The following GRAMD4 variants were observed in gnomAD, a reference collection of about 807,000 sequenced individuals.
The protein encoded by GRAMD4 is GRAM domain-containing protein 4.
Under a neutral mutation model 83.9 loss-of-function variants are expected in GRAMD4, and 25 were observed. The observed-to-expected ratio is 0.30, with a 90% CI of 0.22 to 0.42. The LOEUF (loss-of-function observed/expected upper bound fraction) is 0.42, where lower values mean the gene tolerates loss of function less well. GRAMD4 is among the 10% of genes least tolerant of loss of function. The probability of loss-of-function intolerance (pLI) is 1.00; values close to 1 mark genes in which losing one functional copy is unlikely to be tolerated. For synonymous variants in GRAMD4, 336 were observed against 320.9 expected, an observed-to-expected ratio of 1.05 and a Z score of -0.50; for missense variants, 593 against 788.7, an observed-to-expected ratio of 0.75 and a Z score of 2.97.
chr22:46,610,281 C>A (rs1374832033), intron 1 of GRAMD4, among the ~76,000 whole-genome samples: 3 of 152,222 alleles, frequency 2.0e-5, no homozygotes, highest in African/African-American at 7.2e-5. Flanking sequence ...CTGCCCTGTC[C>A]CTGGCGTGGG....
intron 1 of GRAMD4, among the ~76,000 whole-genome samples, chr22:46,587,133 G>A (rs1569245667): frequency 6.6e-6 from 1 of 152,196 alleles, no homozygotes; most frequent in Non-Finnish European, 1.5e-5. Context: ...ATTATCCCCT[G>A]CCCTGGGGGA....
At chr22:46,639,085 G>A (rs888097517) in intron 3 of GRAMD4, among the ~76,000 whole-genome samples, 2 of 152,232 alleles carry the variant, frequency 1.3e-5, no homozygotes, top group Non-Finnish European at 2.9e-5. Flanking sequence ...GACTGTGTGT[G>A]TGCTTAGATG....
chr22:46,595,022 C>T (rs188331581), intron 1 of GRAMD4, among the ~76,000 whole-genome samples: 23 of 152,264 alleles, frequency 1.5e-4, no homozygotes, highest in African/African-American at 3.9e-4. Context: ...AGGTACCTGT[C>T]GTTCCCGCCT....
At chr22:46,615,516 CAGGTTCCCCTGTGTGTGT>C (rs2081470413), upstream of GRAMD4, among the ~76,000 whole-genome samples, 7 of 86,278 alleles carry the variant, frequency 8.1e-5, no homozygotes, top group Middle Eastern at 0.014. Context: ...CCTGTGTGTG[CAGGTTCCCCTGTGTGTGT>C]AGGTTCCCCT....
At chr22:46,626,688 G>C (rs2081665792) in intron 1 of GRAMD4, 63 bp from the exon 2 acceptor site, 1 of 1,058,016 alleles carries the variant, frequency 9.5e-7, no homozygotes, top group African/African-American at 1.6e-5. Context: ...CCCTGTGTGT[G>C]GGAGCTGGCT....
At position 46,622,370 on chromosome 22, in the gene GRAMD4, C is replaced by T. The variant is rs75933786; in HGVS notation, c.-50+1805C>T. Among the ~76,000 whole-genome samples, 2,871 of 152,274 alleles carry T rather than the reference C, an allele frequency of 0.019. 82 individuals are homozygous for T. The highest frequency in any genetic ancestry group is 0.065 in the African/African-American group (2,690 of 41,548). ...TCCCCTCCGCTTCCCTCTCAGCTGC[C>T]GCAACCAGGAGGACTCGCCGGGTTT... On this transcript the variant is annotated intron_variant, in intron 1 of 18. Transcript: ENST00000406902. This position sits in a 1 kb window ranked among gnomAD's most constrained non-coding sequence, Gnocchi z 4.0.
chr22:46,652,204 GTC>G (rs2082176766), intron 3 of GRAMD4, among the ~76,000 whole-genome samples: 1 of 152,178 alleles, frequency 6.6e-6, no homozygotes, highest in African/African-American at 2.4e-5. Context: ...GGGGCGCACA[GTC>G]ACCACAAAGG....
At chr22:46,600,708 T>G (rs2081304466) in intron 1 of GRAMD4, among the ~76,000 whole-genome samples, 1 of 152,204 alleles carries the variant, frequency 6.6e-6, no homozygotes, top group Admixed American at 6.5e-5. Context: ...CTGGCGAGTC[T>G]TTGTGCATGT....
At chr22:46,609,112 A>C (rs796902008) in intron 1 of GRAMD4, among the ~76,000 whole-genome samples, 5 of 151,226 alleles carry the variant, frequency 3.3e-5, no homozygotes, top group African/African-American at 7.3e-5. Context: ...CTAAAAAAAA[A>C]AACAACAACA....
intron 1 of GRAMD4, among the ~76,000 whole-genome samples, chr22:46,592,576 C>G (rs770040816): frequency 1.3e-5 from 2 of 152,198 alleles, no homozygotes; most frequent in Non-Finnish European, 2.9e-5. Context: ...CAGTTACTTT[C>G]CTGAATGTTT....
chr22:46,576,155 C>G (rs1386497873), upstream of GRAMD4: 1 of 138,194 alleles, frequency 7.2e-6, no homozygotes, highest in Non-Finnish European at 1.5e-5. Flanking sequence ...GGGACCCAGT[C>G]TGGGGAGGGG....
In GRAMD4 at chr22:46,677,295, T is replaced by A. The variant is rs1013458840; in HGVS notation, c.*44T>A. 2 of 1,562,226 alleles carry A rather than the reference T, an allele frequency of 1.3e-6. No individual in the cohort carries two copies. The highest frequency in any genetic ancestry group is 8.6e-7 in the Non-Finnish European group (1 of 1,163,020). ...GTTGCTGGAATTTTCTTTTTCTTTT[T>A]CTTTTTCTTTTTTTTTTTTTACGAT... On this transcript the variant is annotated 3_prime_UTR_variant, in exon 19 of 19. Coordinates refer to ENST00000406902, the MANE Select transcript of GRAMD4 (RefSeq NM_015124.5).
At chr22:46,635,071 A>T (rs974522837) in intron 2 of GRAMD4, among the ~76,000 whole-genome samples, 7 of 118,250 alleles carry the variant, frequency 5.9e-5, no homozygotes, top group African/African-American at 1.4e-4. Context: ...ACCCCTGGCC[A>T]CTCCTGTCTT....
At chr22:46,629,497 G>GC (rs957951223) in intron 2 of GRAMD4, among the ~76,000 whole-genome samples, 3 of 152,088 alleles carry the variant, frequency 2.0e-5, no homozygotes, top group African/African-American at 7.2e-5. Flanking sequence ...GGCTCACGAG[G>GC]CCCCCGGGGT....
At chr22:46,582,920 C>G (rs2081112192) in intron 1 of GRAMD4, among the ~76,000 whole-genome samples, 1 of 152,172 alleles carries the variant, frequency 6.6e-6, no homozygotes, top group Non-Finnish European at 1.5e-5. Context: ...TGGTGACCAC[C>G]TTTCTCTCTC....
intron 1 of GRAMD4, among the ~76,000 whole-genome samples, chr22:46,596,323 G>C (rs2081261687): frequency 6.6e-6 from 1 of 152,234 alleles, no homozygotes; most frequent in South Asian, 2.1e-4. Flanking sequence ...AGTGTGGCCA[G>C]GATGACAGAT....
chr22:46,644,507 C>A (rs1274286646), intron 3 of GRAMD4, among the ~76,000 whole-genome samples: 1 of 152,066 alleles, frequency 6.6e-6, no homozygotes, highest in African/African-American at 2.4e-5. Flanking sequence ...TTCTGTGTTA[C>A]ACCTGCCCCT....
In GRAMD4 at chr22:46,652,743, C is replaced by T. The variant is rs901989412; in HGVS notation, c.284-5444C>T. On this transcript the variant is annotated intron_variant, in intron 3 of 18. Coordinates refer to ENST00000406902, the MANE Select transcript of GRAMD4 (RefSeq NM_015124.5). ...AGATTTTCGGTGCCTGGACAGGGGC[C>T]GGGGCTGGACGAGAGGAATCTGCCG... Among the ~76,000 whole-genome samples the T allele has an allele frequency of 1.2e-4, 19 of 152,322 alleles. No individual in the cohort carries two copies. In the East Asian group the frequency reaches 3.1e-3, roughly 25 times the overall value.
rs1049727524 is a variant in GRAMD4, at chr22:46,678,670, C to T, written c.*1419C>T. 58 of 985,572 alleles carry T rather than the reference C, an allele frequency of 5.9e-5. No homozygotes were observed. Among genetic ancestry groups the T allele is most frequent in the Non-Finnish European group, 6.5e-5 (54 of 829,860 alleles). 61.1% of individuals were successfully genotyped at this position (985,572 alleles called of 1,614,324 possible). On this transcript the variant is annotated 3_prime_UTR_variant, in exon 19 of 19. Coordinates refer to ENST00000406902, the MANE Select transcript of GRAMD4 (RefSeq NM_015124.5). ...AAACAGAAGATTCTATTTTTTACAGCGAGCAAGCTGGTTTTCTTATTTTTG... is the reference window on the plus strand; with the variant it reads ...AAACAGAAGATTCTATTTTTTACAGTGAGCAAGCTGGTTTTCTTATTTTTG...
Sources: gnomAD v4.1 joint callset for allele counts (sites outside exome capture counted in the v4.1 genomes callset) on GRCh38, gnomAD v4.1.1 for gene constraint, Gnocchi (gnomAD v3.1) non-coding constraint, MANE v1.5 for transcripts, NCBI Gene and HGNC (gene_info 2026-07-23, HGNC 2026-07-21) for gene names.